Variants in CCN6 observed in about 807,000 individuals in gnomAD.
CCN6 encodes cellular communication network factor 6.
CCN6 carries 31 observed loss-of-function variants against 37.4 expected under a neutral mutation model. The observed-to-expected ratio is 0.83, with a 90% CI of 0.62 to 1.12. The LOEUF (loss-of-function observed/expected upper bound fraction) is 1.12. CCN6 is among the 50% of genes most tolerant of loss of function. CCN6 has a pLI of 0.00. For synonymous variants in CCN6, 137 were observed against 142.1 expected (o/e 0.96, Z 0.26); for missense variants, 369 against 413.8 (o/e 0.89, Z 0.94).
intron 1 of CCN6, among the ~76,000 whole-genome samples, chr6:112,057,940 G>A (rs1435669159): frequency 6.6e-6 from 1 of 152,128 alleles, no homozygotes; most frequent in Non-Finnish European, 1.5e-5. Flanking sequence ...AAATGCCTTA[G>A]AGAGGTGGGG....
chr6:112,066,460 T>A (rs1360519360), intron 3 of CCN6, among the ~76,000 whole-genome samples: 1 of 152,176 alleles, frequency 6.6e-6, no homozygotes, highest in Non-Finnish European at 1.5e-5. Flanking sequence ...GTGGATTCAC[T>A]TTGACCTTGG....
chr6:112,054,732 C>T, intron 1 of CCN6: 1 of 318,912 alleles, frequency 3.1e-6, no homozygotes, highest in Non-Finnish European at 6.0e-6. Context: ...GAAACAGTGT[C>T]TCTCCATGCC....
chr6:112,057,989 A>G (rs587756578), intron 1 of CCN6, among the ~76,000 whole-genome samples: 2 of 152,350 alleles, frequency 1.3e-5, no homozygotes, highest in South Asian at 2.1e-4. Context: ...ATGTGAGACC[A>G]GCAAAGAGGC....
In CCN6 at chr6:112,065,103, G is replaced by C. The variant is rs1289090957; in HGVS notation, c.589+106G>C. On this transcript the variant is annotated intron_variant, in intron 3 of 4. Transcript: ENST00000368666. ...GTAAGTACTTGTTGATTGGTGGTCA[G>C]AGTGAGATATAGTTTGAGTGTATCA... 5 of 1,540,856 alleles carry C rather than the reference G, an allele frequency of 3.2e-6. No homozygotes were observed. In the African/African-American group the frequency reaches 6.8e-5, roughly 21 times the overall value.
Position 112,054,335 on chromosome 6 carries a change from G to C in CCN6, c.-23G>C, listed in dbSNP as rs587732765. The C allele has an allele frequency of 6.2e-7, 1 of 1,613,780 alleles. No individual in the cohort carries two copies. The highest frequency in any genetic ancestry group is 1.1e-5 in the South Asian group (1 of 91,066). On this transcript the variant is annotated 5_prime_UTR_variant, in exon 1 of 5. Coordinates refer to ENST00000368666, the MANE Select transcript of CCN6 (RefSeq NM_198239.2). ...AAGCGGCGACTTCTCTACCCCTCAG[G>C]GTGGCTCCACGGTCCCAGCGACATG...
chr6:112,063,072 T>C (rs1776574227), intron 2 of CCN6, among the ~76,000 whole-genome samples: 1 of 152,198 alleles, frequency 6.6e-6, no homozygotes, highest in Non-Finnish European at 1.5e-5. Flanking sequence ...AGTGTCATTG[T>C]TTTACATTTT....
intron 1 of CCN6, among the ~76,000 whole-genome samples, chr6:112,056,912 C>T (rs1394793901): frequency 3.9e-5 from 6 of 152,032 alleles, no homozygotes; most frequent in Non-Finnish European, 8.8e-5. Context: ...ATCTCTTCCT[C>T]CTCCTCCGTC....
rs587688028 is a variant in CCN6 at position 112,059,935 on chromosome 6, C to T, written c.49-1056C>T. ...ACGGTGAAAGGACTGGGATAGGGTG[C>T]CCTTTCACAAAGAGTGGTCAAAGAG... is the stretch of plus-strand genomic sequence containing the variant. On this transcript the variant is annotated intron_variant, in intron 1 of 4. Coordinates refer to ENST00000368666, the MANE Select transcript of CCN6 (RefSeq NM_198239.2). The T allele has an allele frequency of 2.3e-4, 303 of 1,326,934 alleles. No individual in the cohort carries two copies. The African/African-American group carries it at 4.0e-3, about 18-fold the overall frequency. The allele number at this position is 1,326,934 out of a possible 1,614,324, so 82.2% of individuals were successfully genotyped here.
At chr6:112,060,863 G>T in intron 1 of CCN6, 128 bp from the exon 2 acceptor site, 5 of 1,085,142 alleles carry the variant, frequency 4.6e-6, no homozygotes, top group Non-Finnish European at 6.8e-6. Context: ...GTCAAATGCT[G>T]ATAGGTGTTA....
chr6:112,053,804 G>A (rs945485558), upstream of CCN6, among the ~76,000 whole-genome samples: 22 of 148,686 alleles, frequency 1.5e-4, no homozygotes, highest in Non-Finnish European at 2.2e-4. Flanking sequence ...AGGGTCCTTC[G>A]AGAGCCTGCC....
At chr6:112,062,577 G>A (rs17073268) in intron 2 of CCN6, among the ~76,000 whole-genome samples, 36,152 of 152,212 alleles carry the variant, frequency 0.24, 4,445 homozygotes, top group East Asian at 0.32. Context: ...GCATAGCCAC[G>A]AGGATAGGAA....
intron 1 of CCN6, among the ~76,000 whole-genome samples, chr6:112,058,464 G>A (rs1486836985): frequency 1.3e-5 from 2 of 152,186 alleles, no homozygotes; most frequent in Non-Finnish European, 2.9e-5. Flanking sequence ...GGTGCTGGTG[G>A]TATACTCACA....
In CCN6 at chr6:112,069,647, T is replaced by C; in HGVS notation, c.*27T>C. ...ACCAAGCAAATGGGGGAAAAGTTAG[T>C]CAATCCTGTCATATAATAAAAAAAT... On this transcript the variant is annotated 3_prime_UTR_variant, in exon 5 of 5. Transcript: ENST00000368666. 1 of 1,612,832 alleles carries C rather than the reference T, an allele frequency of 6.2e-7. No homozygotes were observed. Among genetic ancestry groups the C allele is most frequent in the Non-Finnish European group, 8.5e-7 (1 of 1,179,400 alleles).
chr6:112,053,929 G>A (rs922648286), upstream of CCN6: 10 of 359,726 alleles, frequency 2.8e-5, no homozygotes, highest in Admixed American at 2.7e-4. Flanking sequence ...GCCTAGAGAG[G>A]ACCCGGAGCA....
intron 1 of CCN6, among the ~76,000 whole-genome samples, chr6:112,056,780 G>A (rs1159670013): frequency 4.6e-5 from 7 of 152,190 alleles, no homozygotes; most frequent in African/African-American, 1.4e-4. Flanking sequence ...GCATCCCAAA[G>A]TGCTGGGATT....
At position 112,054,132 on chromosome 6, in the gene CCN6, A is replaced by G. The variant is rs1486086003; in HGVS notation, c.-226A>G. 1.4e-6 allele frequency: 1 copy of G among 726,088 alleles called. No homozygotes were observed. The highest frequency in any genetic ancestry group is 2.5e-6 in the Non-Finnish European group (1 of 397,044). 45.0% of individuals were successfully genotyped at this position (726,088 alleles called of 1,614,324 possible). A position where few individuals can be genotyped will look rare whatever the true frequency, so the allele number is the denominator to read the frequency against. On this transcript the variant is annotated 5_prime_UTR_variant, in exon 1 of 5. Transcript: ENST00000368666. ...CCTGACCTGTGACACGCTCACTGCG[A>G]AGGCAGGTTATTAGAAGAGTCCCAT...
At chr6:112,067,160 C>T in intron 3 of CCN6, 1 of 620,528 alleles carries the variant, frequency 1.6e-6, no homozygotes. Flanking sequence ...GAGACTATTT[C>T]CTATGAAGAA....
intron 1 of CCN6, among the ~76,000 whole-genome samples, chr6:112,055,459 C>T (rs587706141): frequency 8.5e-5 from 13 of 152,148 alleles, no homozygotes; most frequent in Admixed American, 2.0e-4. Context: ...ACACAAAGAG[C>T]GGTAAAAATG....
chr6:112,059,362 G>T (rs782078053), intron 1 of CCN6, among the ~76,000 whole-genome samples: 2 of 152,172 alleles, frequency 1.3e-5, no homozygotes, highest in African/African-American at 2.4e-5. Flanking sequence ...AAAATCAAGC[G>T]TTGGCAGGAC....
Sources: gnomAD v4.1 joint callset for allele counts (sites outside exome capture counted in the v4.1 genomes callset) on GRCh38, gnomAD v4.1.1 for gene constraint, MANE v1.5 for transcripts, NCBI Gene and HGNC (gene_info 2026-07-23, HGNC 2026-07-21) for gene names.